The following GRIK4 variants were observed in gnomAD, a reference collection of about 807,000 sequenced individuals.
GRIK4 encodes glutamate receptor ionotropic, kainate 4.
A neutral mutation model predicts 104.9 loss-of-function variants in GRIK4; 40 were observed. The ratio of observed to expected loss-of-function variants is 0.38; its 90% CI spans 0.30 to 0.50. GRIK4 has a LOEUF of 0.50. Ranked by LOEUF, GRIK4 falls within the 20% of genes least tolerant of loss-of-function variation. The pLI, the probability that GRIK4 is intolerant of heterozygous loss-of-function variation, is 0.93. For synonymous variants in GRIK4, 485 were observed against 524.9 expected, an observed-to-expected ratio of 0.92 and a Z score of 1.04; for missense variants, 1,047 against 1,308.1, an observed-to-expected ratio of 0.80 and a Z score of 3.08.
chr11:120,601,070 C>T (rs1948878969), intron 1 of GRIK4, among the ~76,000 whole-genome samples: 1 of 151,830 alleles, frequency 6.6e-6, no homozygotes, highest in Admixed American at 6.6e-5. Flanking sequence ...ACAAGCAAAA[C>T]TCATGAGAAC....
intron 3 of GRIK4, among the ~76,000 whole-genome samples, chr11:120,690,213 G>A (rs1950336803): frequency 6.6e-6 from 1 of 152,252 alleles, no homozygotes; most frequent in South Asian, 2.1e-4. Flanking sequence ...CCTGGTGCGT[G>A]AGTGGCTTTA....
At chr11:120,896,402 A>G (rs540286999) in intron 11 of GRIK4, among the ~76,000 whole-genome samples, 1 of 152,236 alleles carries the variant, frequency 6.6e-6, no homozygotes, top group Non-Finnish European at 1.5e-5. Context: ...CTGAAAAGGA[A>G]CATGAACACA....
intron 3 of GRIK4, among the ~76,000 whole-genome samples, chr11:120,771,892 C>T (rs1446809016): frequency 6.6e-6 from 1 of 152,214 alleles, no homozygotes; most frequent in Non-Finnish European, 1.5e-5. Flanking sequence ...CCATGGAGAA[C>T]CCCCACTTGG....
At chr11:120,804,626 G>T (rs763078487) in intron 4 of GRIK4, among the ~76,000 whole-genome samples, 2 of 152,160 alleles carry the variant, frequency 1.3e-5, no homozygotes, top group Non-Finnish European at 2.9e-5. Context: ...TCTATCTCAG[G>T]CATAATTCAG....
At chr11:120,714,585 G>A (rs941778912) in intron 3 of GRIK4, among the ~76,000 whole-genome samples, 12 of 152,152 alleles carry the variant, frequency 7.9e-5, no homozygotes, top group Non-Finnish European at 1.8e-4. Context: ...TCCTAATAGA[G>A]GAAGTATGAA....
In GRIK4 at chr11:120,675,879, C is replaced by T. The variant is rs189918431; in HGVS notation, c.82+15479C>T. 8.0e-3 allele frequency among the ~76,000 whole-genome samples: 1,218 copies of T among 152,238 alleles called. 8 individuals are homozygous for T. The highest frequency in any genetic ancestry group is 0.013 in the Non-Finnish European group (900 of 68,026). ...CCATAATTATTATTACTGTAGTTTT[C>T]CATTGCTGCCATGACATATTTTCAC... is the stretch of plus-strand genomic sequence containing the variant. On this transcript the variant is annotated intron_variant, in intron 3 of 20. Coordinates refer to ENST00000527524, the MANE Select transcript of GRIK4 (RefSeq NM_014619.5).
rs562627117 is a variant in GRIK4 at position 120,905,596 on chromosome 11, A to G, written c.1476+103A>G. 158 of 794,098 alleles carry G rather than the reference A, an allele frequency of 2.0e-4. No homozygotes were observed. The highest frequency in any genetic ancestry group is 7.8e-4 in the South Asian group (52 of 66,378). 49.2% of individuals were successfully genotyped at this position (794,098 alleles called of 1,614,324 possible). On this transcript the variant is annotated intron_variant, in intron 13 of 20. Coordinates refer to ENST00000527524, the MANE Select transcript of GRIK4 (RefSeq NM_014619.5). The surrounding 1 kb of genome is among the most constrained non-coding windows in gnomAD (Gnocchi z 5.1). ...CATGAACCCTCCATTTGTTCAGTCA[A>G]TCATTCATGCATTTGTCATTTATTT...
At chr11:120,571,940 C>A (rs566886899) in intron 1 of GRIK4, among the ~76,000 whole-genome samples, 1 of 152,346 alleles carries the variant, frequency 6.6e-6, no homozygotes, top group East Asian at 1.9e-4. Context: ...CAGGAAGTCA[C>A]CGGAGGCATC....
At chr11:120,605,022 C>T (rs1948941143) in intron 1 of GRIK4, among the ~76,000 whole-genome samples, 1 of 152,132 alleles carries the variant, frequency 6.6e-6, no homozygotes, top group Non-Finnish European at 1.5e-5. Context: ...ACCACCGTAC[C>T]TGCCTAATTT....
chr11:120,858,762 A>C (rs971118333), intron 8 of GRIK4, among the ~76,000 whole-genome samples: 1 of 152,198 alleles, frequency 6.6e-6, no homozygotes, highest in Admixed American at 6.5e-5. Flanking sequence ...AACGGTGGTC[A>C]GTTATTTCCC....
At chr11:120,869,518 A>G (rs1469235192) in intron 9 of GRIK4, 6 of 152,328 alleles carry the variant, frequency 3.9e-5, no homozygotes, top group Admixed American at 3.3e-4. Flanking sequence ...GATGCCAAAG[A>G]ACATTGCCAA....
intron 3 of GRIK4, among the ~76,000 whole-genome samples, chr11:120,764,782 C>T (rs1352601405): frequency 1.3e-5 from 2 of 152,094 alleles, no homozygotes; most frequent in East Asian, 3.9e-4. Flanking sequence ...TGAATATTAG[C>T]CCCCACTCTC....
chr11:120,752,613 T>G (rs1951576763), intron 3 of GRIK4, among the ~76,000 whole-genome samples: 1 of 152,188 alleles, frequency 6.6e-6, no homozygotes, highest in South Asian at 2.1e-4. Context: ...TTTCATTCCT[T>G]TTAAAGTTTT....
chr11:120,810,405 C>T (rs186093967), intron 4 of GRIK4, among the ~76,000 whole-genome samples: 19 of 152,296 alleles, frequency 1.2e-4, no homozygotes, highest in South Asian at 4.1e-4. Flanking sequence ...AAGGAAGCTG[C>T]GCTGTCTCCT....
chr11:120,598,346 TAG>T (rs1253011399), intron 1 of GRIK4, among the ~76,000 whole-genome samples: 2 of 152,184 alleles, frequency 1.3e-5, no homozygotes, highest in Non-Finnish European at 2.9e-5. Flanking sequence ...GTCATCTGGA[TAG>T]CAGGTAGCAG....
chr11:120,785,330 T>C (rs560789261), intron 3 of GRIK4, among the ~76,000 whole-genome samples: 1 of 152,190 alleles, frequency 6.6e-6, no homozygotes, highest in African/African-American at 2.4e-5. Flanking sequence ...AGAGAACACA[T>C]GGGGACTATC....
chr11:120,571,992 C>T (rs1402845283), intron 1 of GRIK4, among the ~76,000 whole-genome samples: 1 of 152,190 alleles, frequency 6.6e-6, no homozygotes, highest in Admixed American at 6.5e-5. Context: ...ATCATTCTAC[C>T]ATAGACTGAG....
At chr11:120,712,490 T>C (rs963722487) in intron 3 of GRIK4, among the ~76,000 whole-genome samples, 1 of 152,110 alleles carries the variant, frequency 6.6e-6, no homozygotes, top group Non-Finnish European at 1.5e-5. Context: ...GTGCTTTTCT[T>C]CTAAATTTAT....
At chr11:120,779,311 G>A (rs1952103827) in intron 3 of GRIK4, among the ~76,000 whole-genome samples, 1 of 152,116 alleles carries the variant, frequency 6.6e-6, no homozygotes, top group Admixed American at 6.5e-5. Context: ...CAAGCAGAGT[G>A]AGCCGGTCAG....
Sources: allele counts gnomAD v4.1 joint callset (sites outside exome capture counted in the v4.1 genomes callset), GRCh38; gene constraint gnomAD v4.1.1; non-coding constraint Gnocchi (gnomAD v3.1); transcripts MANE v1.5; gene names NCBI Gene and HGNC (gene_info 2026-07-23, HGNC 2026-07-21).